The following GPM6B variants were observed in gnomAD, a reference collection of about 807,000 sequenced individuals.
The protein encoded by GPM6B is neuronal membrane glycoprotein M6-b.
In GPM6B, 4 loss-of-function variants were observed where a neutral mutation model predicts 27.2. That is an observed-to-expected ratio of 0.15 (90% CI 0.07 to 0.34). GPM6B has a LOEUF of 0.34. GPM6B is among the 10% of genes least tolerant of loss of function. The pLI is 1.00. For synonymous variants in GPM6B, 124 were observed against 103.1 expected (o/e 1.20, Z -1.23); for missense variants, 183 against 261.9 (o/e 0.70, Z 2.08).
chrX:13,938,047 C>T (rs1403940103), intron 1 of GPM6B, among the ~76,000 whole-genome samples: 1 of 111,274 alleles, frequency 9.0e-6, no homozygotes, highest in African/African-American at 3.3e-5. Context: ...GTTTGTTTCG[C>T]GCGGGCTTAA....
At chrX:13,931,305 G>GCACA (rs1921518584) in intron 1 of GPM6B, among the ~76,000 whole-genome samples, 2 of 110,552 alleles carry the variant, frequency 1.8e-5, no homozygotes, top group Non-Finnish European at 3.8e-5. Context: ...AGGCTATCAT[G>GCACA]GTGAAACCCC....
intron 3 of GPM6B, among the ~76,000 whole-genome samples, chrX:13,784,853 C>G (rs924171693): frequency 9.0e-6 from 1 of 111,693 alleles, no homozygotes; most frequent in South Asian, 3.8e-4. Flanking sequence ...GCCCTGGGAT[C>G]TGCTCTTCTG....
intron 1 of GPM6B, among the ~76,000 whole-genome samples, chrX:13,868,748 C>A (rs939736596): frequency 8.9e-6 from 1 of 112,248 alleles, no homozygotes; most frequent in African/African-American, 3.2e-5. Flanking sequence ...CAACTAATAT[C>A]TTTCCTTTCT....
chrX:13,826,492 C>A (rs962395850), intron 1 of GPM6B, among the ~76,000 whole-genome samples: 1 of 110,869 alleles, frequency 9.0e-6, no homozygotes, highest in African/African-American at 3.3e-5. Flanking sequence ...ATTGCTTGAG[C>A]CTAGGAGTTC....
intron 2 of GPM6B, among the ~76,000 whole-genome samples, chrX:13,801,005 C>T (rs1008465754): frequency 3.8e-5 from 4 of 105,089 alleles, no homozygotes; most frequent in Non-Finnish European, 5.8e-5. Flanking sequence ...GCATTCTTAG[C>T]GATTCCGATT....
chrX:13,790,946 TTAG>T (rs1303819451), intron 2 of GPM6B, among the ~76,000 whole-genome samples: 1 of 111,721 alleles, frequency 9.0e-6, no homozygotes, highest in Non-Finnish European at 1.9e-5. Context: ...CAGGCTGTCC[TTAG>T]TAGTCATAGG....
intron 1 of GPM6B, among the ~76,000 whole-genome samples, chrX:13,836,494 T>C (rs960450542): frequency 8.9e-6 from 1 of 112,576 alleles, no homozygotes; most frequent in Admixed American, 9.4e-5. Flanking sequence ...ATTTTTACAG[T>C]GCAAAGATTT....
At chrX:13,907,765 G>GA (rs1327097376) in intron 1 of GPM6B, among the ~76,000 whole-genome samples, 1 of 112,310 alleles carries the variant, frequency 8.9e-6, no homozygotes, top group Admixed American at 9.4e-5. Flanking sequence ...AAAATTGGCA[G>GA]AAAAAAATGC....
intron 1 of GPM6B, among the ~76,000 whole-genome samples, chrX:13,810,744 TAA>T (rs747466374): frequency 0.022 from 1,798 of 80,600 alleles, 46 homozygotes; most frequent in African/African-American, 0.077. Context: ...ATTCAGGATT[TAA>T]AAAAAAAAAA....
intron 1 of GPM6B, among the ~76,000 whole-genome samples, chrX:13,823,365 C>T (rs1428093728): frequency 8.9e-6 from 1 of 112,200 alleles, no homozygotes; most frequent in Non-Finnish European, 1.9e-5. Flanking sequence ...GTTAGCCAGT[C>T]TCTTCTCAAC....
At chrX:13,775,304 A>G (rs1272800526) in intron 7 of GPM6B, among the ~76,000 whole-genome samples, 1 of 113,271 alleles carries the variant, frequency 8.8e-6, no homozygotes, top group African/African-American at 3.2e-5. Flanking sequence ...TTTCGCAGTT[A>G]TTAGCAGACA....
At chrX:13,913,298 C>CA (rs1386056434) in intron 1 of GPM6B, among the ~76,000 whole-genome samples, 1 of 99,180 alleles carries the variant, frequency 1.0e-5, no homozygotes, top group Non-Finnish European at 2.0e-5. Flanking sequence ...CACAGGCATG[C>CA]ACCACCATGC....
chrX:13,783,674 G>A, intron 3 of GPM6B, 153 bp from the exon 4 acceptor site: 2 of 501,307 alleles, frequency 4.0e-6, no homozygotes, highest in Non-Finnish European at 6.9e-6. Context: ...GGCATCCTGG[G>A]CGGCATCCCT....
chrX:13,938,118 G>C (rs1289529195), intron 1 of GPM6B, among the ~76,000 whole-genome samples: 1 of 110,628 alleles, frequency 9.0e-6, no homozygotes, highest in Non-Finnish European at 1.9e-5. Context: ...TCGGGCGACA[G>C]GGAGAGCGTC....
intron 2 of GPM6B, among the ~76,000 whole-genome samples, chrX:13,788,111 T>C (rs2048647050): frequency 8.9e-6 from 1 of 112,400 alleles, no homozygotes; most frequent in Non-Finnish European, 1.9e-5. Flanking sequence ...GGACATTTCA[T>C]CATCACAGAA....
chrX:13,880,149 T>C (rs1232548198), intron 1 of GPM6B, among the ~76,000 whole-genome samples: 2 of 111,747 alleles, frequency 1.8e-5, no homozygotes, highest in African/African-American at 6.5e-5. Flanking sequence ...GGTTATGTCA[T>C]AGTCTGAAAT....
rs1569239981 is a variant in GPM6B, at chrX:13,826,563, C to CATACATACATACATACAT, written c.-197-40756_-197-40755insATGTATGTATGTATGTAT. On this transcript the variant is annotated intron_variant, in intron 1 of 6. Coordinates refer to the GPM6B transcript ENST00000398361. ...CTATTAAAATACATACATACATACA[C>CATACATACATACATACAT]ACATACATACATACATACATACAAG... Among the ~76,000 whole-genome samples, 5 of 67,948 alleles carry CATACATACATACATACAT rather than the reference C, an allele frequency of 7.4e-5. 1 individual carries two copies. Among genetic ancestry groups the CATACATACATACATACAT allele is most frequent in the African/African-American group, 2.2e-4 (5 of 22,629 alleles). 59.0% of individuals were successfully genotyped at this position (67,948 alleles called of 115,157 possible). A position where few individuals can be genotyped will look rare whatever the true frequency, so the allele number is the denominator to read the frequency against.
At chrX:13,787,475 G>C (rs2048634714) in intron 2 of GPM6B, among the ~76,000 whole-genome samples, 1 of 111,813 alleles carries the variant, frequency 8.9e-6, no homozygotes, top group African/African-American at 3.3e-5. Context: ...GGAATCGCTT[G>C]AACCCAGGAG....
At chrX:13,836,120 A>G (rs1419028886) in intron 1 of GPM6B, among the ~76,000 whole-genome samples, 3 of 112,097 alleles carry the variant, frequency 2.7e-5, no homozygotes, top group Non-Finnish European at 5.6e-5. Flanking sequence ...CCAGAGTTTG[A>G]ATGAGACAAG....
Sources: allele counts gnomAD v4.1 joint callset (sites outside exome capture counted in the v4.1 genomes callset), GRCh38; gene constraint gnomAD v4.1.1; transcripts MANE v1.5; gene names NCBI Gene and HGNC (gene_info 2026-07-23, HGNC 2026-07-21).